The following POLR1E variants were observed in gnomAD, a reference collection of about 807,000 sequenced individuals.
The protein encoded by POLR1E is RNA polymerase I subunit E.
A neutral mutation model predicts 50.9 loss-of-function variants in POLR1E; 37 were observed. That is an observed-to-expected ratio of 0.73 (90% CI 0.56 to 0.96). The LOEUF is 0.96. POLR1E is among the 40% of genes least tolerant of loss of function. The probability of loss-of-function intolerance (pLI) is 0.00; values close to 1 mark genes in which losing one functional copy is unlikely to be tolerated. For missense variants in POLR1E, 426 were observed against 518.1 expected, an observed-to-expected ratio of 0.82 and a Z score of 1.73; for synonymous variants, 166 against 191.6, an observed-to-expected ratio of 0.87 and a Z score of 1.10.
intron 2 of POLR1E, 48 bp downstream of exon 2, chr9:37,486,854 GC>G: frequency 6.4e-7 from 1 of 1,557,854 alleles, no homozygotes; most frequent in Non-Finnish European, 8.6e-7. Flanking sequence ...GGCTCAGAAG[GC>G]CCCTGGGAGT....
chr9:37,488,920 G>A (rs1257113358), intron 3 of POLR1E, among the ~76,000 whole-genome samples: 1 of 152,118 alleles, frequency 6.6e-6, no homozygotes, highest in Non-Finnish European at 1.5e-5. Context: ...AGGTGTGTGG[G>A]CAGAGAGAAG....
intron 2 of POLR1E, among the ~76,000 whole-genome samples, chr9:37,487,090 A>G (rs1820590753): frequency 1.3e-5 from 2 of 152,338 alleles, no homozygotes; most frequent in South Asian, 4.1e-4. Flanking sequence ...TTCATACTCT[A>G]GAGCAGGGTT....
Position 37,486,056 on chromosome 9 carries a change from G to A in POLR1E, c.9G>A (p.Ala3=). The change falls in exon 1 of 12, where the codon GCG becomes GCA. Residue 3 remains alanine, a synonymous_variant. Coordinates refer to ENST00000377798, the MANE Select transcript of POLR1E (RefSeq NM_022490.4). MA[A]EVLPSARWQY... ...GCGGACAGACAGGCGAGATGGCGGC[G>A]GAGGTGTTGCCGAGTGCGAGGTGGC... is the stretch of plus-strand genomic sequence containing the variant. 6.2e-7 allele frequency: 1 copy of A among 1,600,760 alleles called. No individual in the cohort carries two copies. Among genetic ancestry groups the A allele is most frequent in the East Asian group, 2.3e-5 (1 of 44,296 alleles).
intron 8 of POLR1E, 26 bp from the exon 9 acceptor site, chr9:37,498,065 G>C: frequency 6.2e-7 from 1 of 1,608,738 alleles, no homozygotes; most frequent in Non-Finnish European, 8.5e-7. Context: ...CCTGACACAG[G>C]CCTCCTTTTC....
At chr9:37,497,444 A>G (rs1820803945) in intron 8 of POLR1E, among the ~76,000 whole-genome samples, 1 of 152,248 alleles carries the variant, frequency 6.6e-6, no homozygotes. Context: ...CTGACTACAG[A>G]GTCTATGCTC....
intron 9 of POLR1E, among the ~76,000 whole-genome samples, chr9:37,499,517 GTTTT>G (rs899342899): frequency 1.3e-5 from 2 of 151,792 alleles, no homozygotes; most frequent in South Asian, 4.1e-4. Flanking sequence ...TTTTTTTGTT[GTTTT>G]TTTGTTTTGT....
intron 9 of POLR1E, among the ~76,000 whole-genome samples, chr9:37,499,274 A>G (rs868149035): frequency 6.6e-6 from 1 of 152,108 alleles, no homozygotes. Flanking sequence ...CACAAAAATA[A>G]AAACATTAGC....
Position 37,503,649 on chromosome 9 carries a change from T to TGTGCTTGTC in POLR1E, c.*448_*456dup, listed in dbSNP as rs1820936631. Reference sequence around the variant, plus strand: ...TGAAGCCAGAAGCCAGCATCTCAACTGTGCTTGTCTTATGCAGAAATATAA... The same window carrying TGTGCTTGTC: ...TGAAGCCAGAAGCCAGCATCTCAACTGTGCTTGTCGTGCTTGTCTTATGCAGAAATATAA... On this transcript the variant is annotated 3_prime_UTR_variant, in exon 12 of 12. Coordinates refer to ENST00000377798, the MANE Select transcript of POLR1E (RefSeq NM_022490.4). 1 of 152,888 alleles carries TGTGCTTGTC rather than the reference T, an allele frequency of 6.5e-6. No homozygotes were observed. Among genetic ancestry groups the TGTGCTTGTC allele is most frequent in the African/African-American group, 2.4e-5 (1 of 41,464 alleles). 9.5% of individuals were successfully genotyped at this position (152,888 alleles called of 1,614,324 possible).
chr9:37,495,818 C>A, intron 7 of POLR1E, 72 bp from the exon 8 acceptor site: 1 of 1,060,372 alleles, frequency 9.4e-7, no homozygotes, highest in Non-Finnish European at 1.5e-6. Context: ...TGTGAAATGC[C>A]ACTGCTATGA....
intron 4 of POLR1E, chr9:37,492,400 T>C: frequency 9.4e-7 from 1 of 1,066,026 alleles, no homozygotes; most frequent in Middle Eastern, 2.2e-4. Context: ...CTGTGGGCCT[T>C]CTGTTTTTTA....
rs1425504983 is a variant in POLR1E at position 37,495,870 on chromosome 9, T to C, written c.656-20T>C. On this transcript the variant is annotated intron_variant, in intron 7 of 11. Transcript: ENST00000377798. ...GGATGTTTCTATTTTGGTTGGATTATATTCTTGACCTGTAACTAGTTCTTT... is the reference window on the plus strand; with the variant it reads ...GGATGTTTCTATTTTGGTTGGATTACATTCTTGACCTGTAACTAGTTCTTT... The C allele has an allele frequency of 6.3e-7, 1 of 1,577,354 alleles. No homozygotes were observed. The highest frequency in any genetic ancestry group is 8.7e-7 in the Non-Finnish European group (1 of 1,146,794).
At position 37,493,670 on chromosome 9, in the gene POLR1E, G is replaced by A. The variant is rs752174616; in HGVS notation, c.514G>A (p.Ala172Thr). The A allele has an allele frequency of 4.4e-6, 7 of 1,596,776 alleles. No homozygotes were observed. The highest frequency in any genetic ancestry group is 5.1e-6 in the Non-Finnish European group (6 of 1,170,434). The change falls in exon 6 of 12, where the codon GCA becomes ACA. Residue 172 changes from alanine to threonine, a missense_variant. Coordinates refer to ENST00000377798, the MANE Select transcript of POLR1E (RefSeq NM_022490.4). Reference protein sequence around the residue: ...ESLNRAVAKAAETIIDTKGVT... With the variant: ...ESLNRAVAKATETIIDTKGVT... Reference sequence around the variant, plus strand: ...TTTGAATCGTGCAGTGGCTAAAGCTGCAGAGACTATCATTGATACGAAGGG... The same window carrying A: ...TTTGAATCGTGCAGTGGCTAAAGCTACAGAGACTATCATTGATACGAAGGG...
At chr9:37,495,658 T>C (rs1382760044) in intron 7 of POLR1E, among the ~76,000 whole-genome samples, 3 of 152,104 alleles carry the variant, frequency 2.0e-5, no homozygotes, top group Non-Finnish European at 4.4e-5. Context: ...AGAAGGAAAA[T>C]GCCTGCAGTG....
chr9:37,499,453 GTCAT>G (rs1313047015), intron 9 of POLR1E, among the ~76,000 whole-genome samples: 1 of 152,182 alleles, frequency 6.6e-6, no homozygotes, highest in Non-Finnish European at 1.5e-5. Context: ...TATGTGGCCT[GTCAT>G]TGACCAAAAC....
At chr9:37,487,587 C>G (rs1400002687) in intron 2 of POLR1E, among the ~76,000 whole-genome samples, 1 of 152,160 alleles carries the variant, frequency 6.6e-6, no homozygotes, top group African/African-American at 2.4e-5. Flanking sequence ...GGGCCTCTCT[C>G]TCAAGTCTTG....
chr9:37,490,097 CTTTTTA>C (rs906903020), intron 4 of POLR1E, among the ~76,000 whole-genome samples: 5 of 152,256 alleles, frequency 3.3e-5, no homozygotes, highest in East Asian at 3.9e-4. Flanking sequence ...TTCCTTCATT[CTTTTTA>C]TTTTTATTTT....
rs777760902 is a variant in POLR1E at position 37,502,111 on chromosome 9, C to T, written c.1100+267C>T. On this transcript the variant is annotated intron_variant, in intron 11 of 11. Coordinates refer to ENST00000377798, the MANE Select transcript of POLR1E (RefSeq NM_022490.4). Reference sequence around the variant, plus strand: ...TTGAAGAATCAGGCTCAGAAAAGTACGTAACATTCTCAAGGTTACACAACC... The same window carrying T: ...TTGAAGAATCAGGCTCAGAAAAGTATGTAACATTCTCAAGGTTACACAACC... 1.4e-4 allele frequency among the ~76,000 whole-genome samples: 21 copies of T among 152,182 alleles called. 1 individual carries two copies. Among genetic ancestry groups the T allele is most frequent in the Admixed American group, 3.3e-4 (5 of 15,284 alleles).
At chr9:37,499,097 C>A (rs977931360) in intron 9 of POLR1E, among the ~76,000 whole-genome samples, 2 of 152,104 alleles carry the variant, frequency 1.3e-5, no homozygotes, top group African/African-American at 4.8e-5. Context: ...CTAAATATAT[C>A]TAAACAGAAA....
At chr9:37,497,999 G>A (rs1820813920) in intron 8 of POLR1E, 92 bp from the exon 9 acceptor site, 2 of 1,438,858 alleles carry the variant, frequency 1.4e-6, no homozygotes, top group African/African-American at 1.4e-5. Flanking sequence ...CGGGGTGAGA[G>A]GCGCCTGCTG....
Sources: allele counts gnomAD v4.1 joint callset (sites outside exome capture counted in the v4.1 genomes callset), GRCh38; gene constraint gnomAD v4.1.1; transcripts MANE v1.5; gene names NCBI Gene and HGNC (gene_info 2026-07-23, HGNC 2026-07-21).